Variants in DCP2 observed in about 807,000 individuals in gnomAD.
DCP2 encodes decapping mRNA 2.
In DCP2, 30 loss-of-function variants were observed where a neutral mutation model predicts 56.1. The observed-to-expected ratio is 0.53, with a 90% CI of 0.40 to 0.73. The LOEUF (loss-of-function observed/expected upper bound fraction) is 0.73, where lower values mean the gene tolerates loss of function less well. Ranked by LOEUF, DCP2 falls within the 30% of genes least tolerant of loss-of-function variation. The pLI, the probability that DCP2 is intolerant of heterozygous loss-of-function variation, is 0.00. For missense variants in DCP2, 533 were observed against 502.7 expected (o/e 1.06, Z -0.58); for synonymous variants, 197 against 163.3 (o/e 1.21, Z -1.57).
Position 113,013,385 on chromosome 5 carries a change from C to T in DCP2, c.1164C>T (p.Pro388=), listed in dbSNP as rs79000546. Residue 388 remains proline, a synonymous_variant, in exon 11 of 11, where the codon CCC becomes CCT. Transcript: ENST00000389063. Reference sequence around the variant, plus strand: ...TGCTAGAACATGCTGAGGGACAGCCCGTGGCATGTAATGGACATTGCAAGT... The same window carrying T: ...TGCTAGAACATGCTGAGGGACAGCCTGTGGCATGTAATGGACATTGCAAGT... ...DQLLEHAEGQ[P]VACNGHCKFP... is the part of the protein sequence containing the mutation. The T allele has an allele frequency of 3.5e-5, 56 of 1,614,114 alleles. No homozygotes were observed. Among genetic ancestry groups the T allele is most frequent in the East Asian group, 6.7e-5 (3 of 44,872 alleles).
chr5:113,013,292 C>G, intron 10 of DCP2, 29 bp from the exon 11 acceptor site: 1 of 1,591,940 alleles, frequency 6.3e-7, no homozygotes, highest in African/African-American at 1.4e-5. Context: ...GGTTACTGAG[C>G]TTATTTATTT....
intron 10 of DCP2, among the ~76,000 whole-genome samples, chr5:113,011,313 T>G (rs1053365298): frequency 2.0e-5 from 3 of 152,330 alleles, no homozygotes; most frequent in Non-Finnish European, 4.4e-5. Context: ...TGATACTAAG[T>G]ATGAGTTTTA....
rs1749815741 is a variant in DCP2, at chr5:113,014,809, G to C, written c.*1325G>C. On this transcript the variant is annotated 3_prime_UTR_variant, in exon 11 of 11. Coordinates refer to ENST00000389063, the MANE Select transcript of DCP2 (RefSeq NM_152624.6). Reference sequence around the variant, plus strand: ...GGTTTTAAAAATCCTTTTTTACAGTGGTATCCACAAAATACTTCTCTGCTT... The same window carrying C: ...GGTTTTAAAAATCCTTTTTTACAGTCGTATCCACAAAATACTTCTCTGCTT... 2 of 152,414 alleles carry C rather than the reference G, an allele frequency of 1.3e-5. No homozygotes were observed. Among genetic ancestry groups the C allele is most frequent in the Non-Finnish European group, 2.9e-5 (2 of 67,990 alleles). 9.4% of individuals were successfully genotyped at this position (152,414 alleles called of 1,614,324 possible). A position where few individuals can be genotyped will look rare whatever the true frequency, so the allele number is the denominator to read the frequency against.
In DCP2 at chr5:113,021,451, C is replaced by T. The variant is rs896011552; in HGVS notation, c.*7967C>T. 2.7e-5 allele frequency among the ~76,000 whole-genome samples: 4 copies of T among 149,584 alleles called. No homozygotes were observed. Among genetic ancestry groups the T allele is most frequent in the Admixed American group, 6.7e-5 (1 of 15,030 alleles). ...GAGAGTCTCTGCAAAAATGAAAATA[C>T]CTCAAACAATTAAGTTTGTTGCTTT... On this transcript the variant is annotated 3_prime_UTR_variant, in exon 11 of 11. Transcript: ENST00000389063.
intron 7 of DCP2, 45 bp downstream of exon 7, chr5:113,001,719 A>G (rs1749189500): frequency 6.5e-7 from 1 of 1,545,358 alleles, no homozygotes. Context: ...AATAGTTTTT[A>G]AAAGTGGAAT....
intron 4 of DCP2, among the ~76,000 whole-genome samples, chr5:112,994,163 CTTTTTTTTTTT>C (rs771514208): frequency 5.3e-5 from 4 of 75,152 alleles, no homozygotes; most frequent in East Asian, 3.8e-4. Context: ...TTTTTTCTTT[CTTTTTTTTTTT>C]TTTTTTTTTT....
intron 7 of DCP2, among the ~76,000 whole-genome samples, chr5:113,002,369 G>T (rs1020889393): frequency 3.3e-5 from 5 of 150,918 alleles, no homozygotes; most frequent in African/African-American, 1.2e-4. Flanking sequence ...GTTTCAGTGG[G>T]CCAAGATCAT....
intron 8 of DCP2, among the ~76,000 whole-genome samples, chr5:113,005,163 T>TGTGTGTGTGG (rs1472686395): frequency 2.0e-5 from 3 of 151,574 alleles, no homozygotes; most frequent in African/African-American, 7.3e-5. Flanking sequence ...TGTGTGTGTG[T>TGTGTGTGTGG]GTGTGTAAAC....
chr5:112,985,876 C>G lies in DCP2; in HGVS notation c.95C>G (p.Ala32Gly). The G allele has an allele frequency of 6.2e-7, 1 of 1,609,882 alleles. No individual in the cohort carries two copies. Among genetic ancestry groups the G allele is most frequent in the Non-Finnish European group, 8.5e-7 (1 of 1,176,498 alleles). ...ATTCCCAGCGAGGAAAGAGACAATG[C>G]AATCCGAGTGTGTTTTCAGATTGAA... ...LHIPSEERDN[A>G]IRVCFQIELA... The change falls in exon 2 of 11, where the codon GCA becomes GGA. Residue 32 changes from alanine (A) to glycine (G), a missense_variant. By Grantham distance (60) the Ala-to-Gly change is moderately conservative. Coordinates refer to ENST00000389063, the MANE Select transcript of DCP2 (RefSeq NM_152624.6).
chr5:112,994,690 T>C (rs895778723), intron 4 of DCP2, among the ~76,000 whole-genome samples: 1 of 152,166 alleles, frequency 6.6e-6, no homozygotes, highest in East Asian at 1.9e-4. Context: ...GTTGAACTAA[T>C]AGGAAGTATG....
rs375754021 is a variant in DCP2, at chr5:112,985,293, A to T, written c.54-542A>T. ...AAGAAATATGTCTTTCCTTTCCCCAATGTACATGGAAAAGACAATTTAGGG... is the reference window on the plus strand; with the variant it reads ...AAGAAATATGTCTTTCCTTTCCCCATTGTACATGGAAAAGACAATTTAGGG... On this transcript the variant is annotated intron_variant, in intron 1 of 10. Coordinates refer to ENST00000389063, the MANE Select transcript of DCP2 (RefSeq NM_152624.6). 4.6e-5 allele frequency among the ~76,000 whole-genome samples: 7 copies of T among 152,176 alleles called. No homozygotes were observed. The South Asian group carries it at 1.4e-3, about 32-fold the overall frequency.
At chr5:112,988,494 TAA>T (rs368124032) in intron 2 of DCP2, among the ~76,000 whole-genome samples, 42 of 82,432 alleles carry the variant, frequency 5.1e-4, no homozygotes, top group African/African-American at 1.8e-3. Flanking sequence ...TGTGTCTTAA[TAA>T]AAAAAAAAAA....
At chr5:113,000,282 G>T (rs1416836081) in intron 4 of DCP2, among the ~76,000 whole-genome samples, 120 of 138,998 alleles carry the variant, frequency 8.6e-4, no homozygotes, top group African/African-American at 3.0e-3. Context: ...TGCAATTACT[G>T]GTCTCGAACA....
intron 2 of DCP2, 59 bp downstream of exon 2, chr5:112,986,045 AT>A: frequency 6.9e-7 from 1 of 1,451,734 alleles, no homozygotes; most frequent in South Asian, 1.6e-5. Flanking sequence ...TTTAGCACAA[AT>A]TTCTTTTTGC....
chr5:113,001,962 G>T (rs1387676772), intron 7 of DCP2, among the ~76,000 whole-genome samples: 3 of 152,158 alleles, frequency 2.0e-5, no homozygotes, highest in African/African-American at 7.2e-5. Flanking sequence ...TGTGTCGTGT[G>T]TTCTTAGTGT....
Position 112,980,645 on chromosome 5 carries a change from A to G in DCP2, c.53+3659A>G, listed in dbSNP as rs76160194. Reference sequence around the variant, plus strand: ...CGCATTAAATGTTTAATTTTCGTACATCAGCTCTTATAAACTTAAGTCAAC... The same window carrying G: ...CGCATTAAATGTTTAATTTTCGTACGTCAGCTCTTATAAACTTAAGTCAAC... On this transcript the variant is annotated intron_variant, in intron 1 of 10. Transcript: ENST00000389063. Among the ~76,000 whole-genome samples, 29 of 152,356 alleles carry G rather than the reference A, an allele frequency of 1.9e-4. No homozygotes were observed. The East Asian group carries it at 5.4e-3, about 28-fold the overall frequency.
At chr5:112,988,905 G>A (rs998815948) in intron 2 of DCP2, among the ~76,000 whole-genome samples, 2 of 152,182 alleles carry the variant, frequency 1.3e-5, no homozygotes, top group Non-Finnish European at 2.9e-5. Context: ...CATTTTGTGT[G>A]TGTTTGCACA....
intron 2 of DCP2, among the ~76,000 whole-genome samples, chr5:112,987,507 T>C (rs897202133): frequency 2.0e-5 from 3 of 151,618 alleles, no homozygotes; most frequent in African/African-American, 7.3e-5. Flanking sequence ...GGCTGGAGTG[T>C]GGTGGTGTGA....
In DCP2 at chr5:113,010,815, A is replaced by G. The variant is rs767590721; in HGVS notation, c.1099+8A>G. On this transcript the variant is annotated splice_region_variant and intron_variant, in intron 10 of 10. Transcript: ENST00000389063. ...AGGATAATTTTGAAACAGGCAAGTC[A>G]TTTCCTATCTTTTTATAATCTCTGC... is the stretch of plus-strand genomic sequence containing the variant. 6 of 1,599,166 alleles carry G rather than the reference A, an allele frequency of 3.8e-6. No individual in the cohort carries two copies. The highest frequency in any genetic ancestry group is 5.1e-6 in the Non-Finnish European group (6 of 1,176,062).
Sources: gnomAD v4.1 joint callset for allele counts (sites outside exome capture counted in the v4.1 genomes callset) on GRCh38, gnomAD v4.1.1 for gene constraint, MANE v1.5 for transcripts, NCBI Gene and HGNC (gene_info 2026-07-23, HGNC 2026-07-21) for gene names.